The following DOCK2 variants were observed in gnomAD, a reference collection of about 807,000 sequenced individuals.
DOCK2 encodes the protein dedicator of cytokinesis 2, also known as dedicator of cytokinesis protein 2.
DOCK2 carries 87 observed loss-of-function variants against 248.9 expected under a neutral mutation model. The observed-to-expected ratio is 0.35, with a 90% CI of 0.29 to 0.42. DOCK2 has a LOEUF of 0.42. DOCK2 is among the 10% of genes least tolerant of loss of function. DOCK2 has a pLI of 1.00. For missense variants in DOCK2, 1,747 were observed against 2,300.2 expected (o/e 0.76, Z 4.92); for synonymous variants, 805 against 821.6 (o/e 0.98, Z 0.35).
At chr5:169,772,080 A>G (rs1765118650) in intron 25 of DOCK2, among the ~76,000 whole-genome samples, 2 of 152,090 alleles carry the variant, frequency 1.3e-5, no homozygotes, top group Admixed American at 1.3e-4. Flanking sequence ...CTGAGTTGCT[A>G]TAGCCTAGAT....
At chr5:169,978,129 A>G (rs2113777362) in intron 27 of DOCK2, among the ~76,000 whole-genome samples, 1 of 152,152 alleles carries the variant, frequency 6.6e-6, no homozygotes, top group African/African-American at 2.4e-5. Context: ...TGAAGTTACT[A>G]TAGCAACGTG....
chr5:169,842,470 G>T (rs1260368217), intron 27 of DOCK2, among the ~76,000 whole-genome samples: 1 of 152,066 alleles, frequency 6.6e-6, no homozygotes, highest in Non-Finnish European at 1.5e-5. Flanking sequence ...TGATTGTCTG[G>T]CCTCAGCTTC....
Position 169,702,386 on chromosome 5 carries a change from G to A in DOCK2, c.1342G>A (p.Val448Ile). The change falls in exon 14 of 52, where the codon GTC becomes ATC. Residue 448 changes from valine (V) to isoleucine (I), a missense_variant. By Grantham distance (29) the Val-to-Ile change is conservative. This residue lies in a region of DOCK2 where 858 missense variants were observed against 1,183.5 expected (regional missense o/e 0.72). Transcript: ENST00000520908. Reference sequence around the variant, plus strand: ...CAAGACCACACAGAGGAATGTGGAAGTCATCATGTGTGTGTGCGCGGAGGA... The same window carrying A: ...CAAGACCACACAGAGGAATGTGGAAATCATCATGTGTGTGTGCGCGGAGGA... ...YNKTTQRNVE[V>I]IMCVCAEDGK... 1.2e-6 allele frequency: 2 copies of A among 1,614,024 alleles called. No individual in the cohort carries two copies. Among genetic ancestry groups the A allele is most frequent in the South Asian group, 1.1e-5 (1 of 91,084 alleles).
chr5:169,747,634 G>A lies in DOCK2; in HGVS notation c.2376+130G>A, dbSNP rs1292999451. On this transcript the variant is annotated intron_variant, in intron 23 of 51. Coordinates refer to ENST00000520908, the MANE Select transcript of DOCK2 (RefSeq NM_004946.3). ...AGTGAAGGCCTGGGCTGGCCACTAG[G>A]TTAAAGACCAAGGGCTCCTCAGGAC... The A allele has an allele frequency of 8.5e-6, 6 of 703,344 alleles. No individual in the cohort carries two copies. In the African/African-American group the frequency reaches 1.1e-4, roughly 13 times the overall value. The allele number at this position is 703,344 out of a possible 1,614,324, so 43.6% of individuals were successfully genotyped here. A position where few individuals can be genotyped will look rare whatever the true frequency, so the allele number is the denominator to read the frequency against.
chr5:169,965,482 G>A (rs1453956994), intron 27 of DOCK2, among the ~76,000 whole-genome samples: 1 of 152,226 alleles, frequency 6.6e-6, no homozygotes, highest in Non-Finnish European at 1.5e-5. Flanking sequence ...GCTGGCTAGT[G>A]TTGGAGTCAG....
At chr5:169,987,335 A>G (rs1046187133) in intron 29 of DOCK2, among the ~76,000 whole-genome samples, 3 of 152,246 alleles carry the variant, frequency 2.0e-5, no homozygotes, top group African/African-American at 7.2e-5. Context: ...GAAATGTGCT[A>G]TTAAGTCAGG....
chr5:169,717,816 C>T (rs1185705510), intron 21 of DOCK2, among the ~76,000 whole-genome samples: 1 of 152,150 alleles, frequency 6.6e-6, no homozygotes, highest in Non-Finnish European at 1.5e-5. Flanking sequence ...AATCCCAGGA[C>T]TTTGGGAGGC....
chr5:169,874,167 C>G (rs1231384395), intron 27 of DOCK2, among the ~76,000 whole-genome samples: 1 of 152,084 alleles, frequency 6.6e-6, no homozygotes, highest in Admixed American at 6.5e-5. Context: ...AATCCCAACA[C>G]TTTGGGAGGC....
chr5:170,046,271 A>G (rs1170139451), intron 39 of DOCK2, among the ~76,000 whole-genome samples: 3 of 152,256 alleles, frequency 2.0e-5, no homozygotes, highest in African/African-American at 7.2e-5. Flanking sequence ...TTTCTGATTA[A>G]CAGATAAATC....
intron 33 of DOCK2, among the ~76,000 whole-genome samples, chr5:170,021,741 G>C (rs556630247): frequency 6.6e-6 from 1 of 152,172 alleles, no homozygotes; most frequent in African/African-American, 2.4e-5. Flanking sequence ...ACCAGCTGGC[G>C]TGCTTCATAG....
At chr5:169,662,712 CACTT>C (rs1554085550) in intron 2 of DOCK2, among the ~76,000 whole-genome samples, 1 of 152,176 alleles carries the variant, frequency 6.6e-6, no homozygotes, top group Non-Finnish European at 1.5e-5. Context: ...CGTGAGAACT[CACTT>C]ACTATCACAA....
intron 1 of DOCK2, among the ~76,000 whole-genome samples, chr5:169,640,224 C>T (rs1366465738): frequency 6.6e-6 from 1 of 152,176 alleles, no homozygotes; most frequent in Admixed American, 6.5e-5. Flanking sequence ...TTGGTGGGGA[C>T]ACAAATTCAT....
chr5:169,843,340 G>A (rs555646720), intron 27 of DOCK2, among the ~76,000 whole-genome samples: 5 of 151,980 alleles, frequency 3.3e-5, no homozygotes, highest in South Asian at 2.1e-4. Context: ...TGGCTAACAC[G>A]GTGAAACCCC....
Position 169,665,402 on chromosome 5 carries a change from TTA to T in DOCK2, c.128-3880_128-3879del, listed in dbSNP as rs1000222178. Among the ~76,000 whole-genome samples, 5 of 150,258 alleles carry T rather than the reference TTA, an allele frequency of 3.3e-5. No individual in the cohort carries two copies. In the Admixed American group the frequency reaches 3.3e-4, roughly 10 times the overall value. The stretch of plus-strand genomic sequence containing the variant: ...TATATAAATATGGTAGTGGGAGAAC[TTA>T]TATATGTGTGTGTATATTTATATGT... On this transcript the variant is annotated intron_variant, in intron 2 of 51. Coordinates refer to ENST00000520908, the MANE Select transcript of DOCK2 (RefSeq NM_004946.3).
chr5:169,764,554 G>A lies in DOCK2; in HGVS notation c.2554+2929G>A, dbSNP rs1453667195. ...AACGTCTGTCTTAGAGGGTGATAGT[G>A]TGGGCTAATGAGATGGATGATGCAT... On this transcript the variant is annotated intron_variant, in intron 25 of 51. Transcript: ENST00000520908. This position sits in a 1 kb window ranked among gnomAD's most constrained non-coding sequence, Gnocchi z 4.3. Among the ~76,000 whole-genome samples the A allele has an allele frequency of 6.6e-6, 1 of 152,222 alleles. No homozygotes were observed. The highest frequency in any genetic ancestry group is 1.5e-5 in the Non-Finnish European group (1 of 68,034).
At chr5:169,816,834 A>G (rs952617602) in intron 26 of DOCK2, among the ~76,000 whole-genome samples, 1 of 152,182 alleles carries the variant, frequency 6.6e-6, no homozygotes, top group Non-Finnish European at 1.5e-5. Context: ...GTTACAGTCA[A>G]TGCGGTTATA....
rs183064745 is a variant in DOCK2 at position 169,822,706 on chromosome 5, G to T, written c.2704-18051G>T. Among the ~76,000 whole-genome samples the T allele has an allele frequency of 3.8e-3, 575 of 152,236 alleles. 1 individual carries two copies. The highest frequency in any genetic ancestry group is 0.013 in the African/African-American group (545 of 41,522). On this transcript the variant is annotated intron_variant, in intron 26 of 51. Coordinates refer to ENST00000520908, the MANE Select transcript of DOCK2 (RefSeq NM_004946.3). ...TGACACCCTAACATCACAATTAAAA[G>T]AACTAGAGAAGCAAGAACAAACACA...
intron 25 of DOCK2, among the ~76,000 whole-genome samples, chr5:169,765,070 G>GCACA (rs142755026): frequency 0.47 from 68,775 of 146,262 alleles, 17,545 homozygotes; most frequent in East Asian, 0.69. Flanking sequence ...CTCTTTTAGC[G>GCACA]CACACACACA....
chr5:169,997,544 C>A (rs1245674975), intron 30 of DOCK2, among the ~76,000 whole-genome samples: 7 of 136,092 alleles, frequency 5.1e-5, no homozygotes, highest in Non-Finnish European at 7.8e-5. Flanking sequence ...TCCCTGCGGC[C>A]TTCCGCAGTT....
Sources: allele counts gnomAD v4.1 joint callset (sites outside exome capture counted in the v4.1 genomes callset), GRCh38; gene constraint gnomAD v4.1.1; regional missense constraint gnomAD v4.1.1; non-coding constraint Gnocchi (gnomAD v3.1); transcripts MANE v1.5; gene names NCBI Gene and HGNC (gene_info 2026-07-23, HGNC 2026-07-21).